The following ARB2A variants were observed in gnomAD, a reference collection of about 807,000 sequenced individuals.
ARB2A encodes the protein cotranscriptional regulator ARB2A.
chr5:93,969,018 CTTTTTT>C, the ARB2A span, among the ~76,000 whole-genome samples: 1 of 113,216 alleles, frequency 8.8e-6, no homozygotes, highest in Non-Finnish European at 1.8e-5. Flanking sequence ...GAATTTTTTT[CTTTTTT>C]TTTTTTTTTT....
At chr5:93,907,004 C>T in the ARB2A span, among the ~76,000 whole-genome samples, 5 of 151,366 alleles carry the variant, frequency 3.3e-5, no homozygotes, top group Non-Finnish European at 7.4e-5. Context: ...TTGCTGTCTA[C>T]GTATTTTATA....
the ARB2A span, among the ~76,000 whole-genome samples, chr5:93,888,214 A>C: frequency 5.3e-5 from 8 of 151,912 alleles, no homozygotes; most frequent in Non-Finnish European, 1.0e-4. Flanking sequence ...TAGTACCATT[A>C]ATACATTTAC....
At chr5:93,860,649 C>CT in the ARB2A span, 15,821 of 136,140 alleles carry the variant, frequency 0.12, 1,369 homozygotes, top group Non-Finnish European at 0.17. Flanking sequence ...TTGTTTCTTT[C>CT]TTTTTTTTTT....
chr5:93,906,716 G>A, the ARB2A span, among the ~76,000 whole-genome samples: 2 of 151,482 alleles, frequency 1.3e-5, no homozygotes, highest in Non-Finnish European at 3.0e-5. Flanking sequence ...CATTAGACAT[G>A]CAATAACTGA....
chr5:93,859,308 A>C, the ARB2A span, among the ~76,000 whole-genome samples: 1 of 152,246 alleles, frequency 6.6e-6, no homozygotes, highest in South Asian at 2.1e-4. Flanking sequence ...GGTCAGGATA[A>C]TTATCAATAC....
At chr5:93,883,934 C>CAA in the ARB2A span, among the ~76,000 whole-genome samples, 1 of 149,988 alleles carries the variant, frequency 6.7e-6, no homozygotes, top group Non-Finnish European at 1.5e-5. Context: ...TACACACACA[C>CAA]ACACACACAC....
chr5:93,849,184 C>A, the ARB2A span, among the ~76,000 whole-genome samples: 2 of 151,840 alleles, frequency 1.3e-5, no homozygotes, highest in African/African-American at 4.8e-5. Flanking sequence ...AAATCACAGG[C>A]CAAACCTTGG....
chr5:93,912,931 T>C, the ARB2A span, among the ~76,000 whole-genome samples: 1 of 151,914 alleles, frequency 6.6e-6, no homozygotes. Context: ...TTAGCATACA[T>C]ATTACTTTGG....
chr5:93,859,894 AT>A, the ARB2A span, among the ~76,000 whole-genome samples: 1 of 152,234 alleles, frequency 6.6e-6, no homozygotes, highest in Non-Finnish European at 1.5e-5. Flanking sequence ...TTGGGAAACA[AT>A]TTGATATTAC....
the ARB2A span, among the ~76,000 whole-genome samples, chr5:93,940,457 T>A: frequency 6.6e-6 from 1 of 151,978 alleles, no homozygotes; most frequent in Non-Finnish European, 1.5e-5. Context: ...TTAGTAGATA[T>A]GTCTTTTTCA....
chr5:93,832,318 G>A, the ARB2A span, among the ~76,000 whole-genome samples: 2 of 152,118 alleles, frequency 1.3e-5, no homozygotes, highest in African/African-American at 4.8e-5. Flanking sequence ...CCATAGGTAT[G>A]GCTTTCAGGA....
the ARB2A span, chr5:93,865,997 G>C: frequency 5.1e-6 from 5 of 985,368 alleles, no homozygotes; most frequent in Non-Finnish European, 6.0e-6. Context: ...TAAGAGTTAT[G>C]CAACTAAAAG....
At chr5:93,769,962 T>C in the ARB2A span, among the ~76,000 whole-genome samples, 1 of 152,182 alleles carries the variant, frequency 6.6e-6, no homozygotes, top group Non-Finnish European at 1.5e-5. Context: ...ATAATAAAAG[T>C]AACTTAGTAT....
At chr5:93,857,215 G>A in the ARB2A span, among the ~76,000 whole-genome samples, 1 of 152,162 alleles carries the variant, frequency 6.6e-6, no homozygotes, top group African/African-American at 2.4e-5. Flanking sequence ...TCCCAGTTAG[G>A]CTGCTCGGGG....
chr5:94,063,193 C>A, the ARB2A span, among the ~76,000 whole-genome samples: 1 of 151,934 alleles, frequency 6.6e-6, no homozygotes, highest in Admixed American at 6.6e-5. Context: ...TGGCCTGGCA[C>A]ACCCCCTAGC....
chr5:93,714,167 CA>C, the ARB2A span, among the ~76,000 whole-genome samples: 1 of 152,156 alleles, frequency 6.6e-6, no homozygotes, highest in Non-Finnish European at 1.5e-5. Context: ...AAGCTGATTA[CA>C]AAACAGAAAT....
chr5:93,766,068 T>G, the ARB2A span, among the ~76,000 whole-genome samples: 1 of 151,950 alleles, frequency 6.6e-6, no homozygotes, highest in Admixed American at 6.6e-5. Context: ...AATGTTAGAC[T>G]CAAAACCATA....
chr5:94,107,054 CTAAAA>C, the ARB2A span, among the ~76,000 whole-genome samples: 1 of 151,566 alleles, frequency 6.6e-6, no homozygotes, highest in Non-Finnish European at 1.5e-5. Flanking sequence ...ACCCCCTGAA[CTAAAA>C]TAAAAGTTGG....
At chr5:93,869,691 C>T in the ARB2A span, among the ~76,000 whole-genome samples, 7 of 152,178 alleles carry the variant, frequency 4.6e-5, no homozygotes, top group South Asian at 2.1e-4. Flanking sequence ...CCCACCCTAA[C>T]TGATCAATGT....
Sources: gnomAD v4.1 joint callset for allele counts (sites outside exome capture counted in the v4.1 genomes callset) on GRCh38, gnomAD v4.1.1 for gene constraint, MANE v1.5 for transcripts, NCBI Gene and HGNC (gene_info 2026-07-23, HGNC 2026-07-21) for gene names.